SYK: variants seen among roughly 807,000 people sequenced by gnomAD.
The protein encoded by SYK is tyrosine-protein kinase SYK.
In SYK, 16 loss-of-function variants were observed where a neutral mutation model predicts 77.8. That is an observed-to-expected ratio of 0.21 (90% CI 0.14 to 0.31). SYK has a LOEUF of 0.31. Among genes scored for constraint, SYK ranks in the 10% least tolerant of loss-of-function variants. SYK has a pLI of 1.00. For synonymous variants in SYK, 312 were observed against 308.7 expected, an observed-to-expected ratio of 1.01 and a Z score of -0.11; for missense variants, 529 against 814.4, an observed-to-expected ratio of 0.65 and a Z score of 4.26.
chr9:90,817,862 TGTGTGTGTGTGTGTGTGTGTGAGAGA>T (rs1473813153), intron 1 of SYK, among the ~76,000 whole-genome samples: 2 of 65,166 alleles, frequency 3.1e-5, no homozygotes, highest in Admixed American at 1.9e-4. Flanking sequence ...TGTGTGTGTG[TGTGTGTGTGTGTGTGTGTGTGAGAGA>T]GAGAGAGAGA....
intron 1 of SYK, among the ~76,000 whole-genome samples, chr9:90,835,345 A>G (rs1054756978): frequency 3.3e-5 from 5 of 152,336 alleles, no homozygotes; most frequent in Middle Eastern, 3.4e-3. Flanking sequence ...AGCTGCATTC[A>G]TGGACAGCTG....
chr9:90,841,962 TTGTATGTGGAG>T (rs62636723), intron 1 of SYK, among the ~76,000 whole-genome samples: 25,406 of 144,852 alleles, frequency 0.18, 2,508 homozygotes, highest in Middle Eastern at 0.24. Flanking sequence ...GTGTAGTGTG[TTGTATGTGGAG>T]TGTATGTAGT....
In SYK at chr9:90,866,639, GA is replaced by G. The variant is rs1380637181; in HGVS notation, c.847-490del. On this transcript the variant is annotated intron_variant, in intron 6 of 13. Transcript: ENST00000375754. ...AGCCATCATCACCCAATGACTACAA[GA>G]AGTTAGATATTTTGGAATAACTTTT... 2.0e-5 allele frequency among the ~76,000 whole-genome samples: 3 copies of G among 152,218 alleles called. No homozygotes were observed. In the East Asian group the frequency reaches 5.8e-4, roughly 29 times the overall value.
intron 4 of SYK, among the ~76,000 whole-genome samples, chr9:90,863,408 C>A (rs1445690057): frequency 2.6e-5 from 4 of 152,150 alleles, no homozygotes; most frequent in Non-Finnish European, 4.4e-5. Flanking sequence ...AACTCAAAAT[C>A]CTGTCTTTTC....
At chr9:90,822,230 A>G (rs1271452985) in intron 1 of SYK, among the ~76,000 whole-genome samples, 1 of 152,258 alleles carries the variant, frequency 6.6e-6, no homozygotes, top group Non-Finnish European at 1.5e-5. Flanking sequence ...TATGTTTTCG[A>G]AACAGTTGAA....
intron 13 of SYK, among the ~76,000 whole-genome samples, chr9:90,891,208 C>G (rs1016816983): frequency 6.9e-6 from 1 of 145,208 alleles, no homozygotes; most frequent in Non-Finnish European, 1.5e-5. Flanking sequence ...TGCAGTGGCG[C>G]GATCTGGGCT....
chr9:90,823,770 G>A lies in SYK; in HGVS notation c.-41-20088G>A, dbSNP rs559880275. On this transcript the variant is annotated intron_variant, in intron 1 of 13. Coordinates refer to ENST00000375754, the MANE Select transcript of SYK (RefSeq NM_003177.7). ...AGCAGTGCTTATAGAGAAATTTATA[G>A]AACTAAGTGCACACATTAGGTAAAA... 1.3e-5 allele frequency among the ~76,000 whole-genome samples: 2 copies of A among 152,098 alleles called. 1 individual carries two copies. The highest frequency in any genetic ancestry group is 3.9e-4 in the East Asian group (2 of 5,182).
chr9:90,814,893 G>A (rs958470749), intron 1 of SYK, among the ~76,000 whole-genome samples: 5 of 151,998 alleles, frequency 3.3e-5, no homozygotes, highest in African/African-American at 1.2e-4. Flanking sequence ...CAGTCACCCG[G>A]GAACTGACAT....
intron 11 of SYK, 59 bp from the exon 12 acceptor site, chr9:90,887,690 A>G (rs920955386): frequency 3.9e-6 from 6 of 1,537,910 alleles, no homozygotes; most frequent in Admixed American, 1.9e-5. Flanking sequence ...GGCATGAACC[A>G]ATGTGCCCGG....
chr9:90,880,368 C>G (rs577747791), intron 11 of SYK, among the ~76,000 whole-genome samples: 2 of 152,312 alleles, frequency 1.3e-5, no homozygotes, highest in South Asian at 4.1e-4. Flanking sequence ...CAGGCTGGCC[C>G]TCCTCACCCC....
intron 6 of SYK, 85 bp from the exon 7 acceptor site, chr9:90,867,046 C>T: frequency 2.6e-6 from 4 of 1,512,798 alleles, no homozygotes; most frequent in Non-Finnish European, 3.7e-6. Context: ...ATTATAGAAG[C>T]AAATTTAAGT....
At chr9:90,826,695 C>T (rs1195210849) in intron 1 of SYK, among the ~76,000 whole-genome samples, 1 of 152,194 alleles carries the variant, frequency 6.6e-6, no homozygotes, top group Non-Finnish European at 1.5e-5. Flanking sequence ...CCTGGCTGAG[C>T]TTCTGGCCCT....
chr9:90,867,689 T>C (rs1235330603), intron 7 of SYK, among the ~76,000 whole-genome samples: 1 of 152,152 alleles, frequency 6.6e-6, no homozygotes, highest in Non-Finnish European at 1.5e-5. Context: ...ACGTCTAACA[T>C]AGAACTGCAA....
At chr9:90,876,666 T>C (rs1014190490) in intron 9 of SYK, among the ~76,000 whole-genome samples, 7 of 152,192 alleles carry the variant, frequency 4.6e-5, no homozygotes, top group Non-Finnish European at 1.0e-4. Flanking sequence ...ACTAGAGAAT[T>C]TGGGGAGAGG....
At chr9:90,846,137 T>A (rs1826583739) in intron 3 of SYK, among the ~76,000 whole-genome samples, 1 of 152,196 alleles carries the variant, frequency 6.6e-6, no homozygotes, top group Non-Finnish European at 1.5e-5. Flanking sequence ...CTGTTTGCTA[T>A]CCTCAGTGGT....
chr9:90,866,847 A>G (rs1309211786), intron 6 of SYK, among the ~76,000 whole-genome samples: 1 of 152,220 alleles, frequency 6.6e-6, no homozygotes, highest in African/African-American at 2.4e-5. Flanking sequence ...ACAACTTAAT[A>G]ATTCCACGTG....
At chr9:90,810,959 A>G (rs1057490881) in intron 1 of SYK, among the ~76,000 whole-genome samples, 4 of 152,126 alleles carry the variant, frequency 2.6e-5, no homozygotes, top group African/African-American at 7.2e-5. Context: ...AAAACGGCAA[A>G]TCGTTTGGAA....
intron 1 of SYK, among the ~76,000 whole-genome samples, chr9:90,819,041 G>A (rs1825408964): frequency 6.6e-6 from 1 of 152,204 alleles, no homozygotes; most frequent in South Asian, 2.1e-4. Flanking sequence ...TGAATACAGG[G>A]AGATATGGCT....
At chr9:90,841,869 G>A (rs1479528359) in intron 1 of SYK, among the ~76,000 whole-genome samples, 1 of 151,538 alleles carries the variant, frequency 6.6e-6, no homozygotes, top group East Asian at 1.9e-4. Context: ...TGTGTGTTGT[G>A]TGTGTAGTGT....
Sources: gnomAD v4.1 joint callset for allele counts (sites outside exome capture counted in the v4.1 genomes callset) on GRCh38, gnomAD v4.1.1 for gene constraint, MANE v1.5 for transcripts, NCBI Gene and HGNC (gene_info 2026-07-23, HGNC 2026-07-21) for gene names.